Variants in SRBD1 observed in about 807,000 individuals in gnomAD.
The protein encoded by SRBD1 is S1 RNA-binding domain-containing protein 1.
SRBD1 carries 88 observed loss-of-function variants against 115.3 expected under a neutral mutation model. The observed-to-expected ratio is 0.76, with a 90% confidence interval of 0.64 to 0.91. SRBD1 has a LOEUF of 0.91. Among genes scored for constraint, SRBD1 ranks in the 40% least tolerant of loss-of-function variants. SRBD1 has a pLI of 0.00. For synonymous variants in SRBD1, 509 were observed against 407.7 expected (o/e 1.25, Z -2.99); for missense variants, 1,385 against 1,177.4 (o/e 1.18, Z -2.58).
intron 6 of SRBD1, among the ~76,000 whole-genome samples, chr2:45,581,301 T>G (rs991608728): frequency 5.3e-5 from 8 of 152,326 alleles, no homozygotes; most frequent in Admixed American, 3.3e-4. Context: ...TAACCTCCAG[T>G]GGTCAATCCT....
At chr2:45,414,592 TAC>T (rs1057458390) in intron 18 of SRBD1, among the ~76,000 whole-genome samples, 2 of 149,328 alleles carry the variant, frequency 1.3e-5, no homozygotes, top group South Asian at 2.1e-4. Flanking sequence ...AGTGTGTGTG[TAC>T]ACATAGTGTG....
intron 5 of SRBD1, among the ~76,000 whole-genome samples, chr2:45,582,575 A>G (rs1673398920): frequency 6.6e-6 from 1 of 152,126 alleles, no homozygotes. Context: ...TTATATCACT[A>G]TAGATTTAAT....
intron 11 of SRBD1, among the ~76,000 whole-genome samples, chr2:45,551,535 T>TA (rs1672299792): frequency 6.6e-6 from 1 of 152,200 alleles, no homozygotes; most frequent in Admixed American, 6.5e-5. Flanking sequence ...CTCTCTACTG[T>TA]ATATAAAACC....
intron 20 of SRBD1, among the ~76,000 whole-genome samples, chr2:45,391,577 T>C (rs901529272): frequency 4.6e-5 from 7 of 152,152 alleles, no homozygotes; most frequent in Admixed American, 2.0e-4. Flanking sequence ...ATTTTGAAAA[T>C]TGTGACTTAC....
rs752837606 is a variant in SRBD1 at position 45,393,108 on chromosome 2, C to G, written c.2535G>C (p.Gly845=). 1.2e-6 allele frequency: 2 copies of G among 1,609,930 alleles called. No individual in the cohort carries two copies. The highest frequency in any genetic ancestry group is 1.7e-6 in the Non-Finnish European group (2 of 1,178,674). The change falls in exon 20 of 21, where the codon GGG becomes GGC. Residue 845 remains glycine (G), a synonymous_variant. Transcript: ENST00000263736. ...IAMRFLSSIG[G]TLYEVGKPEM... is the part of the protein sequence containing the mutation. ...CAGGCTTTCCAACCTCATACAGTGT[C>G]CCTCCAATGGATGACAAAAACCTGC...
At chr2:45,580,145 G>T in intron 6 of SRBD1, 132 bp from the exon 7 acceptor site, 1 of 728,360 alleles carries the variant, frequency 1.4e-6, no homozygotes, top group Non-Finnish European at 2.0e-6. Flanking sequence ...TTCCTTCAGA[G>T]ATGAATTAAA....
chr2:45,484,958 T>C (rs916245258), intron 15 of SRBD1, among the ~76,000 whole-genome samples: 7 of 152,246 alleles, frequency 4.6e-5, no homozygotes, highest in African/African-American at 1.7e-4. Context: ...TTCTATTGTA[T>C]GGCTATACCA....
intron 18 of SRBD1, among the ~76,000 whole-genome samples, chr2:45,417,904 A>G (rs942046932): frequency 3.3e-5 from 5 of 152,198 alleles, no homozygotes; most frequent in African/African-American, 1.2e-4. Flanking sequence ...TTTCCTGAAT[A>G]CACCAAAGTT....
At chr2:45,580,676 C>CTTTTTTT (rs369067711) in intron 6 of SRBD1, among the ~76,000 whole-genome samples, 5 of 76,400 alleles carry the variant, frequency 6.5e-5, no homozygotes, top group African/African-American at 1.3e-4. Context: ...TCTTCTACTT[C>CTTTTTTT]TTTTTTTTTT....
intron 17 of SRBD1, 139 bp downstream of exon 17, chr2:45,419,649 T>A: frequency 1.5e-6 from 1 of 646,184 alleles, no homozygotes; most frequent in Non-Finnish European, 2.7e-6. Flanking sequence ...CCCCTCTGAT[T>A]ACTTAAAGCA....
rs1479911092 is a variant in SRBD1 at position 45,516,247 on chromosome 2, T to C, written c.1875-27916A>G. 2.0e-5 allele frequency among the ~76,000 whole-genome samples: 3 copies of C among 152,178 alleles called. No homozygotes were observed. The East Asian group carries it at 5.8e-4, about 29-fold the overall frequency. On this transcript the variant is annotated intron_variant, in intron 14 of 20. Coordinates refer to ENST00000263736, the MANE Select transcript of SRBD1 (RefSeq NM_018079.5). ...TTCCAAACATGTAAACAAAAATATA[T>C]GACAGTACACTATTACTTTTCGAAA...
chr2:45,501,442 G>C (rs1670627028), intron 14 of SRBD1, among the ~76,000 whole-genome samples: 1 of 152,150 alleles, frequency 6.6e-6, no homozygotes, highest in Admixed American at 6.5e-5. Context: ...ACTGGGGCTT[G>C]TCGGACAGTG....
intron 5 of SRBD1, among the ~76,000 whole-genome samples, chr2:45,582,662 A>G (rs1230434302): frequency 1.3e-5 from 2 of 152,260 alleles, no homozygotes; most frequent in East Asian, 3.9e-4. Flanking sequence ...GATTTGGCCA[A>G]AAGTAACCCC....
intron 11 of SRBD1, among the ~76,000 whole-genome samples, chr2:45,553,101 T>G (rs907979250): frequency 2.6e-5 from 4 of 152,208 alleles, no homozygotes; most frequent in African/African-American, 9.6e-5. Flanking sequence ...CCTACATTTC[T>G]TTTCTTTCCA....
intron 14 of SRBD1, among the ~76,000 whole-genome samples, chr2:45,500,617 T>C (rs1373165091): frequency 6.6e-6 from 1 of 152,102 alleles, no homozygotes; most frequent in East Asian, 1.9e-4. Flanking sequence ...GGTTTCACCA[T>C]GTTGCCCAGG....
At chr2:45,433,966 A>AT (rs892088426) in intron 16 of SRBD1, among the ~76,000 whole-genome samples, 18 of 152,180 alleles carry the variant, frequency 1.2e-4, no homozygotes, top group Admixed American at 1.3e-4. Context: ...CACTGGAAGG[A>AT]TTTTTTCCAG....
At chr2:45,421,086 G>C (rs543058828) in intron 16 of SRBD1, among the ~76,000 whole-genome samples, 1 of 152,154 alleles carries the variant, frequency 6.6e-6, no homozygotes, top group East Asian at 1.9e-4. Context: ...AAGGTGTGCA[G>C]TTCAGTCATG....
intron 16 of SRBD1, among the ~76,000 whole-genome samples, chr2:45,443,187 A>T (rs2103715666): frequency 6.6e-6 from 1 of 152,338 alleles, no homozygotes; most frequent in East Asian, 1.9e-4. Context: ...CAAAAGTGAA[A>T]ACAGGAAGTC....
chr2:45,574,446 AAAC>A (rs1673115192), intron 8 of SRBD1, among the ~76,000 whole-genome samples, 178 bp downstream of exon 8: 3 of 152,192 alleles, frequency 2.0e-5, no homozygotes, highest in South Asian at 4.1e-4. Context: ...AATTCAATTA[AAAC>A]AACTTTACTT....
Sources: gnomAD v4.1 joint callset for allele counts (sites outside exome capture counted in the v4.1 genomes callset) on GRCh38, gnomAD v4.1.1 for gene constraint, MANE v1.5 for transcripts, NCBI Gene and HGNC (gene_info 2026-07-23, HGNC 2026-07-21) for gene names.